Variants in SP1 observed in about 807,000 individuals in gnomAD.
SP1 encodes the protein transcription factor Sp1.
In SP1, 6 loss-of-function variants were observed where a neutral mutation model predicts 66.3. The ratio of observed to expected loss-of-function variants is 0.09; its 90% CI spans 0.05 to 0.18. The LOEUF is 0.18. Ranked by LOEUF, SP1 falls within the 10% of genes least tolerant of loss-of-function variation. The pLI is 1.00. For missense variants in SP1, 848 were observed against 964.5 expected, an observed-to-expected ratio of 0.88 and a Z score of 1.60; for synonymous variants, 417 against 360.8, an observed-to-expected ratio of 1.16 and a Z score of -1.77.
Position 53,383,098 on chromosome 12 carries a change from A to C in SP1, c.1151A>C (p.Gln384Pro). ...QTSGGSLQAG[Q>P]QKEGEQNQQT... is the part of the protein sequence containing the mutation. Reference sequence around the variant, plus strand: ...TCTGGAGGCTCATTGCAAGCAGGCCAGCAAAAAGAAGGAGAGCAAAACCAG... The same window carrying C: ...TCTGGAGGCTCATTGCAAGCAGGCCCGCAAAAAGAAGGAGAGCAAAACCAG... Residue 384 changes from glutamine (Q) to proline (P), a missense_variant, in exon 3 of 6, where the codon CAG becomes CCG. Transcript: ENST00000327443. The C allele has an allele frequency of 6.2e-7, 1 of 1,614,234 alleles. No homozygotes were observed. Among genetic ancestry groups the C allele is most frequent in the South Asian group, 1.1e-5 (1 of 91,086 alleles).
chr12:53,401,560 A>AG (rs1343576336), intron 3 of SP1, among the ~76,000 whole-genome samples: 1 of 152,148 alleles, frequency 6.6e-6, no homozygotes, highest in African/African-American at 2.4e-5. Flanking sequence ...TGCAGAGTCA[A>AG]GAAAATTTTG....
At chr12:53,404,965 C>G (rs1938699312) in intron 3 of SP1, among the ~76,000 whole-genome samples, 1 of 152,118 alleles carries the variant, frequency 6.6e-6, no homozygotes. Flanking sequence ...TCCCGAATAG[C>G]TAGGATTACA....
Position 53,380,315 on chromosome 12 carries a change from T to TC in SP1, c.7+19dup. 1 of 1,453,616 alleles carries TC rather than the reference T, an allele frequency of 6.9e-7. No homozygotes were observed. 90.0% of individuals were successfully genotyped at this position (1,453,616 alleles called of 1,614,324 possible). A position where few individuals can be genotyped will look rare whatever the true frequency, so the allele number is the denominator to read the frequency against. On this transcript the variant is annotated intron_variant, in intron 1 of 5. Coordinates refer to ENST00000327443, the MANE Select transcript of SP1 (RefSeq NM_138473.3). ...CCATGAGCGGTAAGGATGAGTCCAC[T>TC]CCAAGCTTAGGGGTGGGAGGCGAGT... is the stretch of plus-strand genomic sequence containing the variant.
Position 53,383,149 on chromosome 12 carries a change from T to C in SP1, c.1202T>C (p.Ile401Thr), listed in dbSNP as rs748626966. The change falls in exon 3 of 6, where the codon ATC becomes ACC. Residue 401 changes from isoleucine to threonine, a missense_variant. Coordinates refer to ENST00000327443, the MANE Select transcript of SP1 (RefSeq NM_138473.3). The stretch of plus-strand genomic sequence containing the variant: ...CAGACACAGCAGCAACAAATTCTTA[T>C]CCAGCCTCAGCTAGTTCAAGGGGGA... ...NQQTQQQQIL[I>T]QPQLVQGGQA... The C allele has an allele frequency of 8.1e-6, 13 of 1,614,176 alleles. No individual in the cohort carries two copies. The highest frequency in any genetic ancestry group is 6.8e-6 in the Non-Finnish European group (8 of 1,180,032).
chr12:53,409,648 A>C, intron 5 of SP1, 87 bp downstream of exon 5: 1 of 1,131,402 alleles, frequency 8.8e-7, no homozygotes, highest in Non-Finnish European at 1.3e-6. Flanking sequence ...AAAATTTCTG[A>C]GCAACTTAAT....
Position 53,411,205 on chromosome 12 carries a change from C to T in SP1, c.2323C>T (p.Leu775=). Reference sequence around the variant, plus strand: ...CATCAACGTCATGCAGGTGGCAGATCTGCAGTCCATTAATATCAGTGGCAA... The same window carrying T: ...CATCAACGTCATGCAGGTGGCAGATTTGCAGTCCATTAATATCAGTGGCAA... ...SGINVMQVAD[L]QSINISGNGF is the part of the protein sequence containing the mutation. The change falls in exon 6 of 6, where the codon CTG becomes TTG. Residue 775 remains leucine, a synonymous_variant. Transcript: ENST00000327443. 1 of 1,613,424 alleles carries T rather than the reference C, an allele frequency of 6.2e-7. No homozygotes were observed. Among genetic ancestry groups the T allele is most frequent in the Non-Finnish European group, 8.5e-7 (1 of 1,179,934 alleles).
At chr12:53,384,376 C>A (rs1464081988) in intron 3 of SP1, among the ~76,000 whole-genome samples, 1 of 151,918 alleles carries the variant, frequency 6.6e-6, no homozygotes, top group Non-Finnish European at 1.5e-5. Context: ...CCTCTGCCTC[C>A]CGGGTTCAAG....
chr12:53,399,000 G>T (rs1938550267), intron 3 of SP1, among the ~76,000 whole-genome samples: 1 of 152,106 alleles, frequency 6.6e-6, no homozygotes, highest in South Asian at 2.1e-4. Flanking sequence ...TCTTAAGTAT[G>T]ATCATACTAT....
chr12:53,392,835 G>GT (rs1234760786), intron 3 of SP1, among the ~76,000 whole-genome samples: 1 of 148,862 alleles, frequency 6.7e-6, no homozygotes, highest in African/African-American at 2.5e-5. Context: ...TGTTGTTGCT[G>GT]TTTTTTTGAG....
At chr12:53,397,069 C>T (rs1299259167) in intron 3 of SP1, among the ~76,000 whole-genome samples, 1 of 152,074 alleles carries the variant, frequency 6.6e-6, no homozygotes, top group African/African-American at 2.4e-5. Flanking sequence ...AGCTAGAGTG[C>T]AGTGGTGCAA....
At chr12:53,406,325 T>C (rs960979863) in intron 3 of SP1, among the ~76,000 whole-genome samples, 1 of 152,062 alleles carries the variant, frequency 6.6e-6, no homozygotes, top group Non-Finnish European at 1.5e-5. Flanking sequence ...CACCTCGGCC[T>C]CCCAAAGTGA....
Position 53,382,930 on chromosome 12 carries a change from C to T in SP1, c.983C>T (p.Ser328Leu). Reference sequence around the variant, plus strand: ...TTTTTCACCAATGCCAATAGCTACTCAACTACTACTACCACCAGCAACATG... The same window carrying T: ...TTTTTCACCAATGCCAATAGCTACTTAACTACTACTACCACCAGCAACATG... ...SSFFTNANSY[S>L]TTTTTSNMGI... Residue 328 changes from serine to leucine, a missense_variant, in exon 3 of 6, where the codon TCA (serine) becomes TTA (leucine). Around this residue, in one of 7 missense-constraint regions of SP1, gnomAD observed 606 missense variants for 589.9 expected, o/e 1.03. Coordinates refer to ENST00000327443, the MANE Select transcript of SP1 (RefSeq NM_138473.3). 1 of 1,614,142 alleles carries T rather than the reference C, an allele frequency of 6.2e-7. No homozygotes were observed. Among genetic ancestry groups the T allele is most frequent in the Non-Finnish European group, 8.5e-7 (1 of 1,180,006 alleles).
At chr12:53,396,297 C>T (rs986891340) in intron 3 of SP1, among the ~76,000 whole-genome samples, 2 of 139,370 alleles carry the variant, frequency 1.4e-5, no homozygotes, top group African/African-American at 2.7e-5. Flanking sequence ...AAGCCAGGGG[C>T]GGTGGCTCAC....
At chr12:53,384,100 G>T (rs979104062) in intron 3 of SP1, among the ~76,000 whole-genome samples, 1 of 151,272 alleles carries the variant, frequency 6.6e-6, no homozygotes, top group Admixed American at 6.6e-5. Flanking sequence ...CTCCCGAGTG[G>T]CTGGGACTAC....
chr12:53,397,871 T>C (rs1232606913), intron 3 of SP1, among the ~76,000 whole-genome samples: 2 of 152,118 alleles, frequency 1.3e-5, no homozygotes, highest in African/African-American at 4.8e-5. Context: ...ATCTTTTACT[T>C]GTATCCTAGT....
In SP1 at chr12:53,413,943, C is replaced by G. The variant is rs1435552257; in HGVS notation, c.*2703C>G. 6.6e-6 allele frequency: 1 copy of G among 152,154 alleles called. No individual in the cohort carries two copies. Among genetic ancestry groups the G allele is most frequent in the Non-Finnish European group, 1.5e-5 (1 of 68,032 alleles). 9.4% of individuals were successfully genotyped at this position (152,154 alleles called of 1,614,324 possible). On this transcript the variant is annotated 3_prime_UTR_variant, in exon 6 of 6. Coordinates refer to ENST00000327443, the MANE Select transcript of SP1 (RefSeq NM_138473.3). ...TCTAATTATTTCCACTTGCCCTGTT[C>G]TCTTCACACCAAGGAAGCTCCAGAT...
At chr12:53,406,140 C>T (rs1404694217) in intron 3 of SP1, among the ~76,000 whole-genome samples, 4 of 136,788 alleles carry the variant, frequency 2.9e-5, no homozygotes, top group East Asian at 2.2e-4. Context: ...GGTGCAGTCT[C>T]GCTAACTGCA....
intron 3 of SP1, among the ~76,000 whole-genome samples, chr12:53,402,220 CTTT>C (rs35020021): frequency 6.1e-5 from 8 of 131,484 alleles, no homozygotes; most frequent in Admixed American, 7.9e-5. Flanking sequence ...TAGGCTGCAC[CTTT>C]TTTTTTTTTT....
chr12:53,403,700 T>C (rs1254829097), intron 3 of SP1, among the ~76,000 whole-genome samples: 1 of 152,176 alleles, frequency 6.6e-6, no homozygotes, highest in Non-Finnish European at 1.5e-5. Context: ...GTTTACAAGA[T>C]GCTGTGATAG....
Sources: gnomAD v4.1 joint callset for allele counts (sites outside exome capture counted in the v4.1 genomes callset) on GRCh38, gnomAD v4.1.1 for gene constraint, gnomAD v4.1.1 regional missense constraint, MANE v1.5 for transcripts, NCBI Gene and HGNC (gene_info 2026-07-23, HGNC 2026-07-21) for gene names.